CTNNA3: variants seen among roughly 807,000 people sequenced by gnomAD.
CTNNA3 encodes the protein catenin alpha 3.
Under a neutral mutation model 95.7 loss-of-function variants are expected in CTNNA3, and 76 were observed. That is an observed-to-expected ratio of 0.79 (90% CI 0.66 to 0.96). CTNNA3 has a LOEUF of 0.96. CTNNA3 is among the 40% of genes least tolerant of loss of function. The pLI, the probability that CTNNA3 is intolerant of heterozygous loss-of-function variation, is 0.00. For synonymous variants in CTNNA3, 431 were observed against 374.4 expected (o/e 1.15, Z -1.74); for missense variants, 1,191 against 1,089.8 (o/e 1.09, Z -1.31).
intron 16 of CTNNA3, among the ~76,000 whole-genome samples, chr10:65,987,273 GA>G (rs1463619823): frequency 1.3e-5 from 2 of 150,968 alleles, no homozygotes; most frequent in Non-Finnish European, 3.0e-5. Context: ...CAGAATGATA[GA>G]AGATATTTTC....
chr10:67,510,427 C>T (rs1839578784), intron 5 of CTNNA3, among the ~76,000 whole-genome samples: 2 of 151,526 alleles, frequency 1.3e-5, no homozygotes. Flanking sequence ...TTTCCCTGCA[C>T]CATTTACTAA....
chr10:66,019,180 C>T (rs2133417750), intron 15 of CTNNA3, among the ~76,000 whole-genome samples: 1 of 152,234 alleles, frequency 6.6e-6, no homozygotes, highest in South Asian at 2.1e-4. Context: ...TTTATAATTA[C>T]TTCTCAAACA....
At chr10:66,527,291 C>T (rs1012718751) in intron 10 of CTNNA3, among the ~76,000 whole-genome samples, 1 of 152,080 alleles carries the variant, frequency 6.6e-6, no homozygotes, top group Non-Finnish European at 1.5e-5. Context: ...GTCTGTATCA[C>T]ACTGATTTGA....
At chr10:66,132,868 G>A (rs940972254) in intron 13 of CTNNA3, among the ~76,000 whole-genome samples, 1 of 152,066 alleles carries the variant, frequency 6.6e-6, no homozygotes, top group African/African-American at 2.4e-5. Flanking sequence ...TGGACACAAA[G>A]AGGGGAACGA....
intron 7 of CTNNA3, among the ~76,000 whole-genome samples, chr10:66,877,428 T>C (rs894980653): frequency 2.6e-5 from 4 of 152,172 alleles, no homozygotes; most frequent in Non-Finnish European, 5.9e-5. Context: ...GGGCCAGGGA[T>C]TAACTCCAGC....
chr10:66,918,999 G>T (rs1246305278), intron 7 of CTNNA3, among the ~76,000 whole-genome samples: 1 of 151,970 alleles, frequency 6.6e-6, no homozygotes, highest in Non-Finnish European at 1.5e-5. Context: ...GCCGGGCGTG[G>T]TGGCAGGCAC....
At chr10:67,092,997 C>A (rs1381107457) in intron 7 of CTNNA3, among the ~76,000 whole-genome samples, 3 of 151,774 alleles carry the variant, frequency 2.0e-5, no homozygotes, top group Non-Finnish European at 4.4e-5. Flanking sequence ...GTTTTTATAC[C>A]CCTGAATCTC....
intron 7 of CTNNA3, among the ~76,000 whole-genome samples, chr10:67,073,288 A>G (rs185037204): frequency 2.0e-5 from 3 of 152,320 alleles, no homozygotes; most frequent in Non-Finnish European, 4.4e-5. Context: ...CTCTATTGAC[A>G]CAAAATTGAC....
chr10:66,681,987 A>G (rs1168527847), intron 9 of CTNNA3, among the ~76,000 whole-genome samples: 6 of 152,220 alleles, frequency 3.9e-5, no homozygotes, highest in African/African-American at 1.4e-4. Context: ...GCATACTAGT[A>G]CAAGGCCACT....
chr10:67,551,671 G>A (rs1564732971), intron 3 of CTNNA3, among the ~76,000 whole-genome samples: 1 of 152,164 alleles, frequency 6.6e-6, no homozygotes, highest in Non-Finnish European at 1.5e-5. Flanking sequence ...CAGCCTGCCC[G>A]TCTGTATGCT....
At chr10:66,769,175 A>C (rs2132797471) in intron 8 of CTNNA3, among the ~76,000 whole-genome samples, 1 of 152,356 alleles carries the variant, frequency 6.6e-6, no homozygotes, top group Non-Finnish European at 1.5e-5. Flanking sequence ...TTATTGCCAA[A>C]GCAAGAATAA....
At position 66,330,267 on chromosome 10, in the gene CTNNA3, T is replaced by C. The variant is rs368261959; in HGVS notation, c.1732+48885A>G. Among the ~76,000 whole-genome samples, 649 of 147,810 alleles carry C rather than the reference T, an allele frequency of 4.4e-3. 8 individuals carry two copies. The highest frequency in any genetic ancestry group is 0.041 in the South Asian group (177 of 4,364). ...CCGGTGTGTGATGTTCCCCTTCCTG[T>C]GTCCCTGTGTTCTCATTGTTCAATT... On this transcript the variant is annotated intron_variant, in intron 12 of 17. Transcript: ENST00000433211.
chr10:67,161,165 A>T (rs1161549760), intron 7 of CTNNA3, among the ~76,000 whole-genome samples: 1 of 152,156 alleles, frequency 6.6e-6, no homozygotes. Context: ...ATTTGTTAAG[A>T]TTGTAGTTCT....
intron 5 of CTNNA3, among the ~76,000 whole-genome samples, chr10:67,323,630 A>G: frequency 6.6e-6 from 1 of 152,086 alleles, no homozygotes; most frequent in African/African-American, 2.4e-5. Flanking sequence ...TTGTAGTATA[A>G]TTTGAAGTCA....
At position 66,749,202 on chromosome 10, in the gene CTNNA3, CAAAAA is replaced by C. The variant is rs35568730; in HGVS notation, c.1281+17057_1281+17061del. On this transcript the variant is annotated intron_variant, in intron 9 of 17. Coordinates refer to ENST00000433211, the MANE Select transcript of CTNNA3 (RefSeq NM_013266.4). Reference sequence around the variant, plus strand: ...TGGGCAACACAGGGAAACTCCAACTCAAAAAAAAAAAAAAAAAAAAAAAAAAGAAA... The same window carrying C: ...TGGGCAACACAGGGAAACTCCAACTCAAAAAAAAAAAAAAAAAAAAAGAAA... Among the ~76,000 whole-genome samples, 19 of 50,886 alleles carry C rather than the reference CAAAAA, an allele frequency of 3.7e-4. No homozygotes were observed. The East Asian group carries it at 7.0e-3, about 19-fold the overall frequency. 33.4% of individuals were successfully genotyped at this position (50,886 alleles called of 152,430 possible).
intron 10 of CTNNA3, among the ~76,000 whole-genome samples, chr10:66,593,140 T>C (rs1843606439): frequency 6.6e-6 from 1 of 152,306 alleles, no homozygotes; most frequent in East Asian, 1.9e-4. Context: ...ATCAGCATTA[T>C]GTAAGAATTT....
intron 10 of CTNNA3, among the ~76,000 whole-genome samples, chr10:66,547,358 T>TTTTTTTTTTTTTTTTTG: frequency 7.4e-6 from 1 of 135,654 alleles, no homozygotes; most frequent in African/African-American, 2.7e-5. Context: ...TTTTTTTTTT[T>TTTTTTTTTTTTTTTTTG]TTTGAGATAG....
chr10:66,140,542 CG>C (rs2083562241), intron 13 of CTNNA3, among the ~76,000 whole-genome samples: 1 of 152,124 alleles, frequency 6.6e-6, no homozygotes, highest in Non-Finnish European at 1.5e-5. Context: ...TTCATAATGT[CG>C]TTAGGTATTG....
chr10:66,710,681 A>AT (rs555226189), intron 9 of CTNNA3, among the ~76,000 whole-genome samples: 1 of 151,876 alleles, frequency 6.6e-6, no homozygotes, highest in Non-Finnish European at 1.5e-5. Flanking sequence ...CTCTTTAATA[A>AT]TTTTTTTCCT....
Sources: allele counts gnomAD v4.1 joint callset (sites outside exome capture counted in the v4.1 genomes callset), GRCh38; gene constraint gnomAD v4.1.1; transcripts MANE v1.5; gene names NCBI Gene and HGNC (gene_info 2026-07-23, HGNC 2026-07-21).